The following CEACAM16 variants were observed in gnomAD, a reference collection of about 807,000 sequenced individuals.
CEACAM16 encodes cell adhesion molecule CEACAM16.
A neutral mutation model predicts 39.4 loss-of-function variants in CEACAM16; 30 were observed. That is an observed-to-expected ratio of 0.76 (90% CI 0.57 to 1.03). The LOEUF (loss-of-function observed/expected upper bound fraction) is 1.03, where lower values mean the gene tolerates loss of function less well. CEACAM16 is among the 50% of genes least tolerant of loss of function. The pLI, the probability that CEACAM16 is intolerant of heterozygous loss-of-function variation, is 0.00. For missense variants in CEACAM16, 521 were observed against 585.3 expected (o/e 0.89, Z 1.13); for synonymous variants, 262 against 264.9 (o/e 0.99, Z 0.11).
intron 6 of CEACAM16, among the ~76,000 whole-genome samples, chr19:44,709,104 C>T (rs1974495862): frequency 6.6e-6 from 1 of 152,026 alleles, no homozygotes; most frequent in African/African-American, 2.4e-5. Flanking sequence ...GACCATGTTT[C>T]CTCCGTCAGA....
chr19:44,705,711 G>A lies in CEACAM16; in HGVS notation c.783G>A (p.Glu261=). The change falls in exon 5 of 7, where the codon GAG becomes GAA. Residue 261 remains glutamate (E), a synonymous_variant. Transcript: ENST00000587331. ...TGTCCAGGTCCTGCCCAGAGCCCGA[G>A]TATGTGTGGACCTTCAACGGGCAGG... is the stretch of plus-strand genomic sequence containing the variant. ...WCVSRSCPEP[E]YVWTFNGQAL... 1 of 1,613,992 alleles carries A rather than the reference G, an allele frequency of 6.2e-7. No individual in the cohort carries two copies. Among genetic ancestry groups the A allele is most frequent in the East Asian group, 2.2e-5 (1 of 44,890 alleles).
At position 44,705,853 on chromosome 19, in the gene CEACAM16, G is replaced by A. The variant is rs545264324; in HGVS notation, c.925G>A (p.Val309Met). The A allele has an allele frequency of 2.2e-5, 36 of 1,612,270 alleles. No individual in the cohort carries two copies. In the Admixed American group the frequency reaches 3.7e-4, roughly 16 times the overall value. Residue 309 changes from valine (V) to methionine (M), a missense_variant, in exon 5 of 7, where the codon GTG (valine) becomes ATG (methionine). By Grantham distance (21) the Val-to-Met change is conservative. Transcript: ENST00000587331. ...CCTGCTATCTGGATCTGCCTCAGTC[G>A]TGGTCAAGCTCTCTGGTGAGTCACC... ...KTLLSGSASV[V>M]VKLSAAAVAT...
intron 4 of CEACAM16, among the ~76,000 whole-genome samples, chr19:44,704,828 C>G (rs1190416895): frequency 6.6e-6 from 1 of 151,934 alleles, no homozygotes; most frequent in Non-Finnish European, 1.5e-5. Flanking sequence ...ACCACCTTTA[C>G]TATTGAATAA....
rs767370949 is a variant in CEACAM16 at position 44,703,413 on chromosome 19, G to C, written c.102G>C (p.Gly34=). ...TGGAGCCTGCCCAGCCGAGCGAAGG[G>C]GACAACGTCACGCTGGTCGTCCATG... ...ITLEPAQPSE[G]DNVTLVVHGL... is the part of the protein sequence containing the mutation. Residue 34 remains glycine, a synonymous_variant, in exon 3 of 7, where the codon GGG becomes GGC. Transcript: ENST00000587331. 6.2e-7 allele frequency: 1 copy of C among 1,613,804 alleles called. No homozygotes were observed.
rs191552868 is a variant in CEACAM16 at position 44,703,407 on chromosome 19, C to T, written c.96C>T (p.Ser32=). ...TCACCCTGGAGCCTGCCCAGCCGAG[C>T]GAAGGGGACAACGTCACGCTGGTCG... is the stretch of plus-strand genomic sequence containing the variant. ...ISITLEPAQP[S]EGDNVTLVVH... is the part of the protein sequence containing the mutation. Residue 32 remains serine, a synonymous_variant, in exon 3 of 7, where the codon AGC becomes AGT. Transcript: ENST00000587331. The T allele has an allele frequency of 1.6e-3, 2,611 of 1,613,780 alleles. 8 individuals are homozygous for T. The highest frequency in any genetic ancestry group is 9.2e-3 in the Admixed American group (550 of 60,012).
At position 44,704,290 on chromosome 19, in the gene CEACAM16, G is replaced by C. The variant is rs369718143; in HGVS notation, c.655G>C (p.Val219Leu). 39 of 1,505,758 alleles carry C rather than the reference G, an allele frequency of 2.6e-5. No homozygotes were observed. Among genetic ancestry groups the C allele is most frequent in the Non-Finnish European group, 3.4e-5 (38 of 1,123,022 alleles). The allele number at this position is 1,505,758 out of a possible 1,614,324, so 93.3% of individuals were successfully genotyped here. The change falls in exon 4 of 7, where the codon GTG becomes CTG. Residue 219 changes from valine (V) to leucine (L), a missense_variant. Physicochemically the swap from Val to Leu is conservative, Grantham distance 32. Transcript: ENST00000587331. ...CCGCAGCGAGCCCATCAACCTGACC[G>C]TGTACTGTGAGTCCTCCTGGCCCCA... is the stretch of plus-strand genomic sequence containing the variant. ...VSRSEPINLT[V>L]YFGPERVAIL...
chr19:44,701,564 C>G lies in CEACAM16; in HGVS notation c.37+71C>G, dbSNP rs1974348005. On this transcript the variant is annotated intron_variant, in intron 2 of 6. Transcript: ENST00000587331. The surrounding 1 kb of genome is among the most constrained non-coding windows in gnomAD (Gnocchi z 4.0). ...CCAGGGAGGGGAGGGGACCCCCAGTCTGAGAGAGGGAAGGTGTGAGCAGAA... is the reference window on the plus strand; with the variant it reads ...CCAGGGAGGGGAGGGGACCCCCAGTGTGAGAGAGGGAAGGTGTGAGCAGAA... The G allele has an allele frequency of 2.1e-6, 3 of 1,410,800 alleles. No individual in the cohort carries two copies. The Admixed American group carries it at 5.9e-5, about 28-fold the overall frequency. 87.4% of individuals were successfully genotyped at this position (1,410,800 alleles called of 1,614,324 possible).
intron 6 of CEACAM16, 48 bp downstream of exon 6, chr19:44,708,235 T>C (rs1568529626): frequency 6.9e-7 from 1 of 1,449,872 alleles, no homozygotes; most frequent in Non-Finnish European, 9.2e-7. Flanking sequence ...AGACAAGGGC[T>C]CCCAAAAGGA....
At chr19:44,706,763 G>A (rs929946685) in intron 5 of CEACAM16, among the ~76,000 whole-genome samples, 1 of 152,220 alleles carries the variant, frequency 6.6e-6, no homozygotes, top group African/African-American at 2.4e-5. Flanking sequence ...TCCAAGAAGG[G>A]GGGTGTCCAA....
In CEACAM16 at chr19:44,701,312, T is replaced by C; in HGVS notation, c.-96-49T>C. 1 of 910,860 alleles carries C rather than the reference T, an allele frequency of 1.1e-6. No homozygotes were observed. Among genetic ancestry groups the C allele is most frequent in the South Asian group, 1.4e-5 (1 of 70,752 alleles). 56.4% of individuals were successfully genotyped at this position (910,860 alleles called of 1,614,324 possible). ...CCCAGATCCTTGGTGACTCGATCCC[T>C]CCAAATTCAGGTGATCTCCCCTGGC... On this transcript the variant is annotated intron_variant, in intron 1 of 6. Transcript: ENST00000587331. The surrounding 1 kb of genome is among the most constrained non-coding windows in gnomAD (Gnocchi z 4.0).
In CEACAM16 at chr19:44,704,210, G is replaced by A. The variant is rs544948409; in HGVS notation, c.575G>A (p.Arg192His). The stretch of plus-strand genomic sequence containing the variant: ...CGGGTGCTGGCCAGGCATGGCATCC[G>A]CCGGGAGGAGGCCGGCGCCTATCAG... Reference protein sequence around the residue: ...DGRVLARHGIRREEAGAYQCE... With the variant: ...DGRVLARHGIHREEAGAYQCE... Residue 192 changes from arginine (R) to histidine (H), a missense_variant, in exon 4 of 7, where the codon CGC becomes CAC. Arg to His is a conservative substitution (Grantham distance 29). Coordinates refer to ENST00000587331, the MANE Select transcript of CEACAM16 (RefSeq NM_001039213.4). 4.8e-5 allele frequency: 74 copies of A among 1,554,856 alleles called. No individual in the cohort carries two copies. The highest frequency in any genetic ancestry group is 3.0e-4 in the South Asian group (25 of 84,438).
chr19:44,705,446 T>TA (rs1974427184), intron 4 of CEACAM16, 144 bp from the exon 5 acceptor site: 1 of 712,588 alleles, frequency 1.4e-6, no homozygotes, highest in Non-Finnish European at 2.2e-6. Flanking sequence ...TAGAACAAGT[T>TA]AGAGTTAAGG....
At chr19:44,707,714 C>T (rs1270165734) in intron 5 of CEACAM16, 147 bp from the exon 6 acceptor site, 7 of 625,054 alleles carry the variant, frequency 1.1e-5, no homozygotes, top group South Asian at 8.3e-5. Flanking sequence ...CCTCCACCAC[C>T]GCACAAGTCA....
Position 44,701,958 on chromosome 19 carries a change from G to T in CEACAM16, c.37+465G>T, listed in dbSNP as rs908451435. On this transcript the variant is annotated intron_variant, in intron 2 of 6. Transcript: ENST00000587331. This position sits in a 1 kb window ranked among gnomAD's most constrained non-coding sequence, Gnocchi z 4.0. ...CATTATAAGCAGCACCACATATGCC[G>T]TGTGCCCGGAGCTGTTCTGAGAGCT... Among the ~76,000 whole-genome samples the T allele has an allele frequency of 6.6e-6, 1 of 152,132 alleles. No individual in the cohort carries two copies. The highest frequency in any genetic ancestry group is 2.4e-5 in the African/African-American group (1 of 41,428).
chr19:44,710,591 A>T lies in CEACAM16; in HGVS notation c.*85A>T. On this transcript the variant is annotated 3_prime_UTR_variant, in exon 7 of 7. Transcript: ENST00000587331. ...CCCTCTGAGTGGGAACCACTCCCCC[A>T]CAGCGAGGATGCCAGGCTGTGGTCC... 1.9e-6 allele frequency: 3 copies of T among 1,557,616 alleles called. No homozygotes were observed. Among genetic ancestry groups the T allele is most frequent in the Non-Finnish European group, 2.7e-6 (3 of 1,129,404 alleles).
chr19:44,703,503 G>C lies in CEACAM16; in HGVS notation c.192G>C (p.Leu64=), dbSNP rs970410228. ...YAGPTLSVSY[L]VASYIVSTGD... Reference sequence around the variant, plus strand: ...GGCCCACACTCAGCGTGTCATACCTGGTGGCCAGCTACATCGTGAGCACAG... The same window carrying C: ...GGCCCACACTCAGCGTGTCATACCTCGTGGCCAGCTACATCGTGAGCACAG... Residue 64 remains leucine, a synonymous_variant, in exon 3 of 7, where the codon CTG becomes CTC. Coordinates refer to ENST00000587331, the MANE Select transcript of CEACAM16 (RefSeq NM_001039213.4). 13 of 1,613,746 alleles carry C rather than the reference G, an allele frequency of 8.1e-6. No individual in the cohort carries two copies. The highest frequency in any genetic ancestry group is 1.1e-5 in the Non-Finnish European group (13 of 1,179,886).
At chr19:44,707,777 T>TG in intron 5 of CEACAM16, 84 bp from the exon 6 acceptor site, 2 of 1,265,026 alleles carry the variant, frequency 1.6e-6, no homozygotes, top group Non-Finnish European at 1.1e-6. Context: ...GCCAGCCAGC[T>TG]GGGGGGAGGC....
At position 44,703,469 on chromosome 19, in the gene CEACAM16, G is replaced by A. The variant is rs1599809509; in HGVS notation, c.158G>A (p.Trp53Ter). 1.2e-6 allele frequency: 2 copies of A among 1,613,856 alleles called. No homozygotes were observed. The highest frequency in any genetic ancestry group is 8.5e-7 in the Non-Finnish European group (1 of 1,179,898). Residue 53 changes from tryptophan (W) to a stop codon, truncating the protein, a stop_gained, in exon 3 of 7, where the codon TGG becomes TAG. Coordinates refer to ENST00000587331, the MANE Select transcript of CEACAM16 (RefSeq NM_001039213.4). LOFTEE classifies it high-confidence loss of function. ...GLSGELLAYS[W>*]YAGPTLSVSY... The stretch of plus-strand genomic sequence containing the variant: ...TCGGGGGAACTGCTCGCCTACAGCT[G>A]GTATGCGGGGCCCACACTCAGCGTG...
chr19:44,709,942 A>C (rs1182839662), intron 6 of CEACAM16, among the ~76,000 whole-genome samples: 1 of 151,384 alleles, frequency 6.6e-6, no homozygotes, highest in Non-Finnish European at 1.5e-5. Context: ...GGGTCCATGT[A>C]TCCTCCATCT....
Sources: allele counts gnomAD v4.1 joint callset (sites outside exome capture counted in the v4.1 genomes callset), GRCh38; gene constraint gnomAD v4.1.1; non-coding constraint Gnocchi (gnomAD v3.1); transcripts MANE v1.5; gene names NCBI Gene and HGNC (gene_info 2026-07-23, HGNC 2026-07-21).